NRXN1: variants seen among roughly 807,000 people sequenced by gnomAD.
NRXN1 encodes neurexin-1.
In NRXN1, 39 loss-of-function variants were observed where a neutral mutation model predicts 150.9. That is an observed-to-expected ratio of 0.26 (90% confidence interval 0.20 to 0.34). The LOEUF (loss-of-function observed/expected upper bound fraction) is 0.34. Ranked by LOEUF, NRXN1 falls within the 10% of genes least tolerant of loss-of-function variation. NRXN1 has a pLI of 1.00. For synonymous variants in NRXN1, 924 were observed against 757.0 expected, an observed-to-expected ratio of 1.22 and a Z score of -3.62; for missense variants, 1,815 against 1,949.9, an observed-to-expected ratio of 0.93 and a Z score of 1.30.
At chr2:50,183,697 C>T (rs562943706) in intron 18 of NRXN1, among the ~76,000 whole-genome samples, 7 of 149,404 alleles carry the variant, frequency 4.7e-5, no homozygotes, top group South Asian at 4.3e-4. Flanking sequence ...GTGCAAAGAC[C>T]AGGGATGCTG....
intron 5 of NRXN1, among the ~76,000 whole-genome samples, chr2:50,838,681 T>C (rs1672432916): frequency 6.6e-6 from 1 of 152,078 alleles, no homozygotes; most frequent in Non-Finnish European, 1.5e-5. Context: ...AAGCTGGCTG[T>C]ATGACTAGAG....
intron 2 of NRXN1, among the ~76,000 whole-genome samples, chr2:51,010,748 C>T (rs763353752): frequency 2.0e-5 from 3 of 151,604 alleles, no homozygotes; most frequent in African/African-American, 7.3e-5. Flanking sequence ...AGAGTGTCTA[C>T]GTTGCCACAC....
chr2:50,633,355 A>T lies in NRXN1; in HGVS notation c.833-9740T>A, dbSNP rs536207020. On this transcript the variant is annotated intron_variant, in intron 5 of 22. Coordinates refer to ENST00000401669, the MANE Select transcript of NRXN1 (RefSeq NM_001330078.2). The stretch of plus-strand genomic sequence containing the variant: ...TTTTTAAAAGAAAGAAAAAAAACTA[A>T]AATTATCTTGATATCCCCAGCACAT... Among the ~76,000 whole-genome samples, 5 of 152,256 alleles carry T rather than the reference A, an allele frequency of 3.3e-5. No individual in the cohort carries two copies. In the East Asian group the frequency reaches 9.7e-4, roughly 29 times the overall value.
chr2:50,201,877 C>T (rs1466904694), intron 18 of NRXN1, among the ~76,000 whole-genome samples: 2 of 152,240 alleles, frequency 1.3e-5, no homozygotes, highest in Middle Eastern at 3.4e-3. Flanking sequence ...TCACATTGTT[C>T]TTAGTCCATT....
chr2:50,448,482 T>C (rs1471010690), intron 17 of NRXN1, among the ~76,000 whole-genome samples: 2 of 152,170 alleles, frequency 1.3e-5, no homozygotes, highest in Non-Finnish European at 2.9e-5. Context: ...GGAGTAGGTG[T>C]AATGATTAAA....
chr2:50,719,568 T>A (rs1696353754), intron 5 of NRXN1, among the ~76,000 whole-genome samples: 1 of 151,568 alleles, frequency 6.6e-6, no homozygotes, highest in Admixed American at 6.6e-5. Flanking sequence ...CCCAGCTACT[T>A]GGGAGGCTGA....
At chr2:50,934,210 T>G (rs976739270) in intron 2 of NRXN1, among the ~76,000 whole-genome samples, 7 of 152,078 alleles carry the variant, frequency 4.6e-5, no homozygotes, top group African/African-American at 1.7e-4. Context: ...AACTGTGATA[T>G]TTTTCTCAAT....
At chr2:49,936,965 C>G (rs1671152079) in intron 22 of NRXN1, among the ~76,000 whole-genome samples, 1 of 152,192 alleles carries the variant, frequency 6.6e-6, no homozygotes, top group South Asian at 2.1e-4. Context: ...AGATAGGCTT[C>G]TTCCTGCCTC....
At chr2:50,770,934 G>A (rs1297506993) in intron 5 of NRXN1, among the ~76,000 whole-genome samples, 2 of 152,192 alleles carry the variant, frequency 1.3e-5, no homozygotes, top group Non-Finnish European at 2.9e-5. Context: ...AGGGTAAAAT[G>A]TAAGGCCTCT....
chr2:50,597,265 G>C (rs1366588890), intron 8 of NRXN1, among the ~76,000 whole-genome samples: 1 of 152,126 alleles, frequency 6.6e-6, no homozygotes, highest in African/African-American at 2.4e-5. Flanking sequence ...TGACCCTCTA[G>C]CCATATCACA....
intron 5 of NRXN1, among the ~76,000 whole-genome samples, chr2:50,660,210 C>T (rs967066527): frequency 6.6e-6 from 1 of 152,002 alleles, no homozygotes; most frequent in East Asian, 1.9e-4. Flanking sequence ...CTTTCAACAT[C>T]CCCATTTCAC....
chr2:51,021,299 T>C (rs1377273864), intron 2 of NRXN1, among the ~76,000 whole-genome samples: 2 of 151,998 alleles, frequency 1.3e-5, no homozygotes, highest in Non-Finnish European at 2.9e-5. Flanking sequence ...TAAGGCCTAA[T>C]TTTCAGTACA....
At chr2:50,802,706 T>C (rs530573039) in intron 5 of NRXN1, among the ~76,000 whole-genome samples, 1 of 152,072 alleles carries the variant, frequency 6.6e-6, no homozygotes, top group East Asian at 1.9e-4. Context: ...CAAGTTAAAA[T>C]GAGGTCATTC....
chr2:50,215,485 AT>A (rs2063333029), intron 18 of NRXN1, among the ~76,000 whole-genome samples: 2 of 152,056 alleles, frequency 1.3e-5, no homozygotes, highest in African/African-American at 2.4e-5. Flanking sequence ...AAAACATTTA[AT>A]TTATAAATAA....
intron 19 of NRXN1, among the ~76,000 whole-genome samples, chr2:50,069,859 T>C (rs1334484236): frequency 1.3e-5 from 2 of 150,092 alleles, no homozygotes; most frequent in South Asian, 4.3e-4. Context: ...TTTTTTTTTT[T>C]TTTTTTTTTG....
intron 17 of NRXN1, among the ~76,000 whole-genome samples, chr2:50,241,933 G>A (rs2066038372): frequency 6.6e-6 from 1 of 151,722 alleles, no homozygotes; most frequent in South Asian, 2.1e-4. Flanking sequence ...TCAATTATTG[G>A]TTGCTCTGGA....
chr2:49,971,458 T>C (rs866124339), intron 21 of NRXN1, among the ~76,000 whole-genome samples: 1 of 152,156 alleles, frequency 6.6e-6, no homozygotes, highest in Non-Finnish European at 1.5e-5. Flanking sequence ...TAACCAGACA[T>C]TTAATAACAG....
At chr2:50,869,350 TA>T (rs1677422158) in intron 5 of NRXN1, among the ~76,000 whole-genome samples, 1 of 151,764 alleles carries the variant, frequency 6.6e-6, no homozygotes, top group Admixed American at 6.6e-5. Flanking sequence ...ACAGAATTAT[TA>T]TTACTATTGC....
At chr2:50,899,252 T>C (rs1314813916) in intron 5 of NRXN1, among the ~76,000 whole-genome samples, 2 of 152,210 alleles carry the variant, frequency 1.3e-5, no homozygotes, top group Non-Finnish European at 2.9e-5. Context: ...GATTCCACCG[T>C]AATTTCTGAA....
Sources: allele counts gnomAD v4.1 joint callset (sites outside exome capture counted in the v4.1 genomes callset), GRCh38; gene constraint gnomAD v4.1.1; transcripts MANE v1.5; gene names NCBI Gene and HGNC (gene_info 2026-07-23, HGNC 2026-07-21).